CAMK1D: variants seen among roughly 807,000 people sequenced by gnomAD.
CAMK1D encodes calcium/calmodulin-dependent protein kinase type 1D.
A neutral mutation model predicts 47.7 loss-of-function variants in CAMK1D; 9 were observed. That is an observed-to-expected ratio of 0.19 (90% confidence interval 0.11 to 0.33). The LOEUF (loss-of-function observed/expected upper bound fraction) is 0.33, where lower values mean the gene tolerates loss of function less well. CAMK1D is among the 10% of genes least tolerant of loss of function. The pLI is 1.00. For missense variants in CAMK1D, 291 were observed against 488.7 expected, an observed-to-expected ratio of 0.60 and a Z score of 3.81; for synonymous variants, 184 against 184.9, an observed-to-expected ratio of 0.99 and a Z score of 0.04.
intron 5 of CAMK1D, among the ~76,000 whole-genome samples, chr10:12,770,641 C>G (rs1836995396): frequency 6.6e-6 from 1 of 152,088 alleles, no homozygotes; most frequent in Non-Finnish European, 1.5e-5. Context: ...CATTTCAGAT[C>G]TTGAGTACTA....
intron 2 of CAMK1D, among the ~76,000 whole-genome samples, chr10:12,621,897 C>T (rs966469807): frequency 6.6e-5 from 10 of 152,068 alleles, no homozygotes; most frequent in Non-Finnish European, 8.8e-5. Flanking sequence ...GCTGACACTG[C>T]TCCAGGAGAA....
At position 12,814,626 on chromosome 10, in the gene CAMK1D, C is replaced by T. The variant is rs1798612407; in HGVS notation, c.754+319C>T. Among the ~76,000 whole-genome samples, 3 of 152,138 alleles carry T rather than the reference C, an allele frequency of 2.0e-5. No homozygotes were observed. The South Asian group carries it at 6.2e-4, about 32-fold the overall frequency. ...CCATGTCCTCACATGGCAAAAGGGT[C>T]AAGAGAGCTCTCTCAAGTCACTTTG... is the stretch of plus-strand genomic sequence containing the variant. On this transcript the variant is annotated intron_variant, in intron 7 of 10. Coordinates refer to ENST00000619168, the MANE Select transcript of CAMK1D (RefSeq NM_153498.4).
At chr10:12,351,851 C>T (rs181706874) in intron 1 of CAMK1D, among the ~76,000 whole-genome samples, 3 of 152,206 alleles carry the variant, frequency 2.0e-5, no homozygotes, top group Non-Finnish European at 2.9e-5. Flanking sequence ...AAAGCATTGC[C>T]TTCTGCCTGG....
chr10:12,692,021 A>G (rs1239998292), intron 3 of CAMK1D, among the ~76,000 whole-genome samples: 2 of 152,194 alleles, frequency 1.3e-5, no homozygotes, highest in Non-Finnish European at 2.9e-5. Flanking sequence ...TTTGGCTTTT[A>G]TGACTGACAG....
At chr10:12,508,725 T>G (rs1834952362) in intron 1 of CAMK1D, among the ~76,000 whole-genome samples, 1 of 152,028 alleles carries the variant, frequency 6.6e-6, no homozygotes, top group African/African-American at 2.4e-5. Context: ...CCAACTAAAC[T>G]CCCCATCCTG....
At chr10:12,416,191 A>G (rs1362977906) in intron 1 of CAMK1D, among the ~76,000 whole-genome samples, 1 of 152,100 alleles carries the variant, frequency 6.6e-6, no homozygotes, top group East Asian at 1.9e-4. Flanking sequence ...TTTAGGAGAT[A>G]CAGAATAATC....
chr10:12,672,344 T>G (rs897533630), intron 3 of CAMK1D, among the ~76,000 whole-genome samples: 1 of 152,080 alleles, frequency 6.6e-6, no homozygotes, highest in Non-Finnish European at 1.5e-5. Flanking sequence ...AATAATGTTT[T>G]CCTCTGGACG....
chr10:12,768,204 A>C (rs1248300651), intron 4 of CAMK1D, among the ~76,000 whole-genome samples: 1 of 152,160 alleles, frequency 6.6e-6, no homozygotes, highest in African/African-American at 2.4e-5. Flanking sequence ...TTTGCCCACA[A>C]GGAATTTCCT....
chr10:12,558,866 C>G (rs933117606), intron 2 of CAMK1D, among the ~76,000 whole-genome samples: 1 of 152,136 alleles, frequency 6.6e-6, no homozygotes, highest in African/African-American at 2.4e-5. Context: ...GGAAGTGACC[C>G]TGGCAGGAAC....
At chr10:12,392,227 A>G (rs964092042) in intron 1 of CAMK1D, among the ~76,000 whole-genome samples, 2 of 152,020 alleles carry the variant, frequency 1.3e-5, no homozygotes, top group Non-Finnish European at 2.9e-5. Flanking sequence ...ACTGGAACCC[A>G]GGAGGTGGAG....
chr10:12,380,041 C>T lies in CAMK1D; in HGVS notation c.92+30131C>T, dbSNP rs1253631509. Among the ~76,000 whole-genome samples, 11 of 151,596 alleles carry T rather than the reference C, an allele frequency of 7.3e-5. No homozygotes were observed. In the South Asian group the frequency reaches 1.3e-3, roughly 17 times the overall value. On this transcript the variant is annotated intron_variant, in intron 1 of 10. Transcript: ENST00000619168. ...CATCCTGCCTAACACGGTGAAACCCCGTCTCTACTAAAAATGCAAAAAAAT... is the reference window on the plus strand; with the variant it reads ...CATCCTGCCTAACACGGTGAAACCCTGTCTCTACTAAAAATGCAAAAAAAT...
At chr10:12,546,904 G>C (rs7477289) in intron 1 of CAMK1D, among the ~76,000 whole-genome samples, 82,781 of 151,352 alleles carry the variant, frequency 0.55, 22,733 homozygotes, top group Middle Eastern at 0.59. Flanking sequence ...CACATGTATA[G>C]ATATGTAACA....
intron 1 of CAMK1D, among the ~76,000 whole-genome samples, chr10:12,498,187 G>T (rs1286812082): frequency 6.6e-6 from 1 of 152,182 alleles, no homozygotes; most frequent in Non-Finnish European, 1.5e-5. Flanking sequence ...ACCATATCAG[G>T]AAGGGCGGGA....
intron 1 of CAMK1D, among the ~76,000 whole-genome samples, chr10:12,495,595 A>G (rs959882930): frequency 6.6e-6 from 1 of 152,184 alleles, no homozygotes; most frequent in Non-Finnish European, 1.5e-5. Context: ...ATGTTTGTGT[A>G]TTGCTCATTT....
At chr10:12,524,664 A>G (rs1360770196) in intron 1 of CAMK1D, among the ~76,000 whole-genome samples, 2 of 151,976 alleles carry the variant, frequency 1.3e-5, no homozygotes, top group African/African-American at 4.8e-5. Flanking sequence ...CCAAGATGGC[A>G]CCACTGCACT....
At chr10:12,406,722 C>CAAAAAAAAAAAAAAAAAA (rs3061400) in intron 1 of CAMK1D, among the ~76,000 whole-genome samples, 5 of 69,232 alleles carry the variant, frequency 7.2e-5, no homozygotes, top group African/African-American at 3.5e-4. Context: ...GACCCTGTCT[C>CAAAAAAAAAAAAAAAAAA]AAAAAAAAAA....
chr10:12,440,287 T>TA (rs1832748771), intron 1 of CAMK1D, among the ~76,000 whole-genome samples: 1 of 16,790 alleles, frequency 6.0e-5, no homozygotes, highest in South Asian at 3.7e-3. Context: ...TCTTTTTGGA[T>TA]TTTTTTTTTT....
intron 1 of CAMK1D, among the ~76,000 whole-genome samples, chr10:12,529,704 T>C (rs1835743379): frequency 6.6e-6 from 1 of 152,164 alleles, no homozygotes; most frequent in African/African-American, 2.4e-5. Flanking sequence ...CAAATTTTGC[T>C]CGTGGTGGCT....
At chr10:12,441,089 C>T (rs34398128) in intron 1 of CAMK1D, among the ~76,000 whole-genome samples, 7,073 of 152,314 alleles carry the variant, frequency 0.046, 297 homozygotes, top group East Asian at 0.21. Context: ...GATACCCTTT[C>T]GTCCTCCAAT....
Sources: allele counts gnomAD v4.1 joint callset (sites outside exome capture counted in the v4.1 genomes callset), GRCh38; gene constraint gnomAD v4.1.1; transcripts MANE v1.5; gene names NCBI Gene and HGNC (gene_info 2026-07-23, HGNC 2026-07-21).